The following PLXDC2 variants were observed in gnomAD, a reference collection of about 807,000 sequenced individuals.
PLXDC2 encodes the protein plexin domain containing 2.
PLXDC2 carries 40 observed loss-of-function variants against 68.9 expected under a neutral mutation model. The observed-to-expected ratio is 0.58, with a 90% CI of 0.45 to 0.76. The LOEUF (loss-of-function observed/expected upper bound fraction) is 0.76, where lower values mean the gene tolerates loss of function less well. PLXDC2 is among the 30% of genes least tolerant of loss of function. The pLI is 0.00. For synonymous variants in PLXDC2, 243 were observed against 234.2 expected (o/e 1.04, Z -0.34); for missense variants, 644 against 661.9 (o/e 0.97, Z 0.30).
intron 1 of PLXDC2, among the ~76,000 whole-genome samples, chr10:19,914,079 G>A (rs1162262369): frequency 6.7e-6 from 1 of 149,974 alleles, no homozygotes; most frequent in Non-Finnish European, 1.5e-5. Flanking sequence ...GGAGAGAAGG[G>A]AAGGAGGAAA....
chr10:19,991,407 G>A (rs1449034132), intron 1 of PLXDC2, among the ~76,000 whole-genome samples: 1 of 142,466 alleles, frequency 7.0e-6, no homozygotes, highest in African/African-American at 2.6e-5. Context: ...TAAATGAAAA[G>A]TGATTTTTTA....
chr10:19,876,601 C>CA (rs61268790), intron 1 of PLXDC2, among the ~76,000 whole-genome samples: 4,244 of 63,852 alleles, frequency 0.066, 205 homozygotes, highest in African/African-American at 0.099. Context: ...GATTCCATCT[C>CA]AAAAAAAAAA....
intron 2 of PLXDC2, among the ~76,000 whole-genome samples, chr10:20,018,922 C>G (rs995971637): frequency 1.3e-5 from 2 of 152,022 alleles, no homozygotes; most frequent in Non-Finnish European, 2.9e-5. Flanking sequence ...ATAGCTATAA[C>G]TATTTCTAAA....
intron 2 of PLXDC2, among the ~76,000 whole-genome samples, chr10:20,039,427 C>A (rs183866110): frequency 3.9e-5 from 6 of 152,084 alleles, no homozygotes; most frequent in Admixed American, 3.9e-4. Flanking sequence ...AGCTGGTATT[C>A]GAAAGAAAAG....
intron 9 of PLXDC2, among the ~76,000 whole-genome samples, chr10:20,192,742 G>T (rs1834783660): frequency 6.6e-6 from 1 of 151,894 alleles, no homozygotes; most frequent in East Asian, 1.9e-4. Context: ...TAGAAAAAAT[G>T]GGCTGAAAAT....
At chr10:19,820,905 C>G (rs1292020348) in intron 1 of PLXDC2, among the ~76,000 whole-genome samples, 1 of 152,036 alleles carries the variant, frequency 6.6e-6, no homozygotes, top group South Asian at 2.1e-4. Context: ...TGGTGAAACC[C>G]CGCCTCTACT....
chr10:20,209,792 C>G (rs190263113), intron 9 of PLXDC2, among the ~76,000 whole-genome samples: 1 of 151,882 alleles, frequency 6.6e-6, no homozygotes, highest in Non-Finnish European at 1.5e-5. Context: ...CCTCAGCTTA[C>G]GAAGATGACA....
intron 1 of PLXDC2, among the ~76,000 whole-genome samples, chr10:19,992,104 A>G (rs1461637025): frequency 2.0e-5 from 3 of 152,236 alleles, no homozygotes; most frequent in African/African-American, 7.2e-5. Flanking sequence ...CTAAACTATC[A>G]TAGCACATGA....
intron 1 of PLXDC2, among the ~76,000 whole-genome samples, chr10:19,891,102 G>A (rs916306279): frequency 3.9e-5 from 6 of 152,034 alleles, no homozygotes; most frequent in African/African-American, 1.4e-4. Flanking sequence ...TCTCTTTTAT[G>A]TCTTTCTCTG....
chr10:20,101,231 G>A, intron 4 of PLXDC2, among the ~76,000 whole-genome samples: 1 of 152,146 alleles, frequency 6.6e-6, no homozygotes, highest in East Asian at 1.9e-4. Flanking sequence ...TCCAAAGTAG[G>A]CGGATGGCTC....
At chr10:20,165,368 G>A (rs1477907230) in intron 7 of PLXDC2, among the ~76,000 whole-genome samples, 1 of 151,874 alleles carries the variant, frequency 6.6e-6, no homozygotes, top group Non-Finnish European at 1.5e-5. Flanking sequence ...ACGCTGGTGC[G>A]CTACACCCAC....
At chr10:19,973,314 A>ATATATATGTATACATACATATGTG (rs1554849847) in intron 1 of PLXDC2, among the ~76,000 whole-genome samples, 1 of 136,934 alleles carries the variant, frequency 7.3e-6, no homozygotes, top group Non-Finnish European at 1.6e-5. Flanking sequence ...ATATACTCAC[A>ATATATATGTATACATACATATGTG]TATATATGTA....
intron 2 of PLXDC2, among the ~76,000 whole-genome samples, chr10:20,025,564 G>A (rs868287913): frequency 7.2e-5 from 11 of 152,074 alleles, no homozygotes; most frequent in South Asian, 4.2e-4. Context: ...ACCCAGCCTC[G>A]ACTTTTTAAT....
At chr10:19,845,721 A>G (rs916240571) in intron 1 of PLXDC2, among the ~76,000 whole-genome samples, 8 of 152,214 alleles carry the variant, frequency 5.3e-5, no homozygotes, top group Non-Finnish European at 1.0e-4. Flanking sequence ...AGCTCAGGGC[A>G]GTTTTGCAGT....
intron 1 of PLXDC2, among the ~76,000 whole-genome samples, chr10:19,867,663 C>T (rs1490347631): frequency 2.0e-5 from 3 of 152,088 alleles, no homozygotes; most frequent in African/African-American, 7.2e-5. Context: ...GTGTGGCAGG[C>T]TTCTAGAGGC....
chr10:20,027,251 A>G (rs557903258), intron 2 of PLXDC2, among the ~76,000 whole-genome samples: 18 of 152,074 alleles, frequency 1.2e-4, no homozygotes, highest in Non-Finnish European at 2.9e-5. Flanking sequence ...CTTAATCCCC[A>G]GTGCAACAGT....
rs1564378067 is a variant in PLXDC2 at position 20,288,822 on chromosome 10, T to C, written c.*9003T>C. The C allele has an allele frequency of 6.6e-6, 1 of 152,208 alleles. No individual in the cohort carries two copies. Among genetic ancestry groups the C allele is most frequent in the African/African-American group, 2.4e-5 (1 of 41,456 alleles). The allele number at this position is 152,208 out of a possible 1,614,324, so 9.4% of individuals were successfully genotyped here. A position where few individuals can be genotyped will look rare whatever the true frequency, so the allele number is the denominator to read the frequency against. On this transcript the variant is annotated 3_prime_UTR_variant, in exon 14 of 14. Transcript: ENST00000377252. ...TTGATAAGAAATTTAGTGTATTGAC[T>C]GCCTCAGTGACACAATTTATCTTTA...
In PLXDC2 at chr10:20,049,321, G is replaced by A. The variant is rs538010010; in HGVS notation, c.471+2306G>A. Among the ~76,000 whole-genome samples the A allele has an allele frequency of 4.1e-4, 63 of 152,056 alleles. 1 individual carries two copies. The South Asian group carries it at 9.7e-3, about 24-fold the overall frequency. On this transcript the variant is annotated intron_variant, in intron 3 of 13. Transcript: ENST00000377252. ...GCACAACACAAGGATGACCTCTGTCGTCATTCTTATTCAACATAGTATTGG... is the reference window on the plus strand; with the variant it reads ...GCACAACACAAGGATGACCTCTGTCATCATTCTTATTCAACATAGTATTGG...
chr10:19,988,918 C>T (rs1834698287), intron 1 of PLXDC2, among the ~76,000 whole-genome samples: 1 of 150,400 alleles, frequency 6.6e-6, no homozygotes, highest in Non-Finnish European at 1.5e-5. Context: ...GCCTTAGCCT[C>T]CCAAGTAGCT....
Sources: allele counts gnomAD v4.1 joint callset (sites outside exome capture counted in the v4.1 genomes callset), GRCh38; gene constraint gnomAD v4.1.1; transcripts MANE v1.5; gene names NCBI Gene and HGNC (gene_info 2026-07-23, HGNC 2026-07-21).